Variants in FSTL5 observed in about 807,000 individuals in gnomAD.
The protein encoded by FSTL5 is follistatin like 5.
Under a neutral mutation model 89.1 loss-of-function variants are expected in FSTL5, and 62 were observed. That is an observed-to-expected ratio of 0.70 (90% CI 0.57 to 0.86). The LOEUF (loss-of-function observed/expected upper bound fraction) is 0.86. Among genes scored for constraint, FSTL5 ranks in the 40% least tolerant of loss-of-function variants. The pLI is 0.00. For missense variants in FSTL5, 1,057 were observed against 1,001.6 expected (o/e 1.06, Z -0.75); for synonymous variants, 383 against 346.2 (o/e 1.11, Z -1.18).
At chr4:161,881,501 A>AAAT (rs1732628911) in intron 4 of FSTL5, among the ~76,000 whole-genome samples, 1 of 152,046 alleles carries the variant, frequency 6.6e-6, no homozygotes, top group Admixed American at 6.6e-5. Flanking sequence ...CCTTATTCAT[A>AAAT]TTTAAGTTCT....
At chr4:161,633,945 T>C (rs574116273) in intron 7 of FSTL5, among the ~76,000 whole-genome samples, 4 of 152,244 alleles carry the variant, frequency 2.6e-5, no homozygotes, top group Non-Finnish European at 5.9e-5. Context: ...AGCTGGTTAA[T>C]GTCCTACAGG....
At chr4:161,535,708 C>T (rs912607890) in intron 10 of FSTL5, among the ~76,000 whole-genome samples, 1 of 152,114 alleles carries the variant, frequency 6.6e-6, no homozygotes, top group African/African-American at 2.4e-5. Flanking sequence ...ACAGACGTTA[C>T]TATTTGACCC....
chr4:161,998,580 C>A (rs1736369077), intron 3 of FSTL5, among the ~76,000 whole-genome samples: 1 of 151,976 alleles, frequency 6.6e-6, no homozygotes, highest in African/African-American at 2.4e-5. Context: ...ACTCCTATTC[C>A]AACAATATTG....
intron 4 of FSTL5, among the ~76,000 whole-genome samples, chr4:161,797,747 C>A (rs1243401293): frequency 6.6e-6 from 1 of 151,522 alleles, no homozygotes; most frequent in Non-Finnish European, 1.5e-5. Context: ...TCATAAATAG[C>A]AGTCTATTTG....
chr4:161,772,154 A>G (rs1741232792), intron 5 of FSTL5, among the ~76,000 whole-genome samples: 2 of 152,064 alleles, frequency 1.3e-5, no homozygotes, highest in South Asian at 2.1e-4. Flanking sequence ...ATACATCTTC[A>G]TTATGTGGAC....
At chr4:161,621,703 C>T (rs939726533) in intron 7 of FSTL5, among the ~76,000 whole-genome samples, 4 of 151,882 alleles carry the variant, frequency 2.6e-5, no homozygotes, top group African/African-American at 4.8e-5. Context: ...TCAGGCCAGG[C>T]GCAATGGCTC....
chr4:161,684,178 T>A (rs1482143515), intron 6 of FSTL5, among the ~76,000 whole-genome samples: 1 of 152,192 alleles, frequency 6.6e-6, no homozygotes, highest in Non-Finnish European at 1.5e-5. Context: ...ACTCGTTGAT[T>A]GATGGGCATT....
chr4:161,415,078 C>T (rs1028218566), intron 15 of FSTL5, among the ~76,000 whole-genome samples: 8 of 152,030 alleles, frequency 5.3e-5, no homozygotes, highest in African/African-American at 1.4e-4. Flanking sequence ...AATAATGGTA[C>T]GATGTCAAGA....
chr4:161,640,294 C>T (rs1328339547), intron 7 of FSTL5, among the ~76,000 whole-genome samples: 1 of 151,924 alleles, frequency 6.6e-6, no homozygotes, highest in Non-Finnish European at 1.5e-5. Context: ...AAAGCCTGGC[C>T]CATTCAAAGG....
intron 8 of FSTL5, among the ~76,000 whole-genome samples, chr4:161,569,800 C>G (rs1055349416): frequency 7.1e-6 from 1 of 140,512 alleles, no homozygotes. Context: ...CACACACACA[C>G]CCCACATTGT....
At chr4:161,704,707 T>G (rs1454893774) in intron 6 of FSTL5, among the ~76,000 whole-genome samples, 1 of 152,062 alleles carries the variant, frequency 6.6e-6, no homozygotes, top group African/African-American at 2.4e-5. Flanking sequence ...ACCTAAGCAG[T>G]TTAAAGATTA....
chr4:161,548,254 T>A (rs1714863958), intron 8 of FSTL5, among the ~76,000 whole-genome samples: 1 of 151,906 alleles, frequency 6.6e-6, no homozygotes, highest in Non-Finnish European at 1.5e-5. Context: ...GATTACTTAG[T>A]ATCTGCGATA....
At chr4:161,870,541 T>A (rs1579157267) in intron 4 of FSTL5, among the ~76,000 whole-genome samples, 1 of 152,168 alleles carries the variant, frequency 6.6e-6, no homozygotes, top group Non-Finnish European at 1.5e-5. Context: ...AATATTTTTC[T>A]ATTTGGCAAT....
At chr4:161,865,310 C>T (rs1732049462) in intron 4 of FSTL5, among the ~76,000 whole-genome samples, 1 of 152,130 alleles carries the variant, frequency 6.6e-6, no homozygotes, top group African/African-American at 2.4e-5. Context: ...GGGGAAAAGT[C>T]CACATATCCC....
intron 9 of FSTL5, 107 bp from the exon 10 acceptor site, chr4:161,538,407 G>C: frequency 4.9e-6 from 6 of 1,221,856 alleles, no homozygotes; most frequent in Non-Finnish European, 5.9e-6. Context: ...TAATTAAACT[G>C]TTTCCCTTCC....
intron 9 of FSTL5, among the ~76,000 whole-genome samples, chr4:161,540,853 T>A (rs1731794605): frequency 6.6e-6 from 1 of 152,134 alleles, no homozygotes; most frequent in African/African-American, 2.4e-5. Flanking sequence ...TATCAATGCC[T>A]TTTATTGAAC....
At chr4:161,394,150 T>C (rs536184711) in intron 15 of FSTL5, among the ~76,000 whole-genome samples, 1 of 152,320 alleles carries the variant, frequency 6.6e-6, no homozygotes, top group East Asian at 1.9e-4. Flanking sequence ...ACTTTGCAAG[T>C]GGGGAACATA....
At chr4:162,160,457 C>T (rs1310803006) in intron 1 of FSTL5, among the ~76,000 whole-genome samples, 1 of 151,008 alleles carries the variant, frequency 6.6e-6, no homozygotes, top group East Asian at 1.9e-4. Context: ...GATAATTGGT[C>T]ACTTGACTCT....
At chr4:162,127,075 A>G (rs111566727) in intron 1 of FSTL5, among the ~76,000 whole-genome samples, 1 of 152,180 alleles carries the variant, frequency 6.6e-6, no homozygotes, top group African/African-American at 2.4e-5. Flanking sequence ...ACCCCACCTC[A>G]AATCAATACT....
Sources: allele counts gnomAD v4.1 joint callset (sites outside exome capture counted in the v4.1 genomes callset), GRCh38; gene constraint gnomAD v4.1.1; transcripts MANE v1.5; gene names NCBI Gene and HGNC (gene_info 2026-07-23, HGNC 2026-07-21).